KLHL28: variants seen among roughly 807,000 people sequenced by gnomAD.
The protein encoded by KLHL28 is kelch like family member 28.
A neutral mutation model predicts 48.3 loss-of-function variants in KLHL28; 22 were observed. The observed-to-expected ratio is 0.46, with a 90% CI of 0.33 to 0.65. The LOEUF is 0.65. Ranked by LOEUF, KLHL28 falls within the 30% of genes least tolerant of loss-of-function variation. The pLI, the probability that KLHL28 is intolerant of heterozygous loss-of-function variation, is 0.03. For missense variants in KLHL28, 527 were observed against 704.3 expected, an observed-to-expected ratio of 0.75 and a Z score of 2.85; for synonymous variants, 243 against 242.4, an observed-to-expected ratio of 1.00 and a Z score of -0.02.
At chr14:44,949,168 C>A (rs1884470275) in intron 1 of KLHL28, among the ~76,000 whole-genome samples, 1 of 151,928 alleles carries the variant, frequency 6.6e-6, no homozygotes, top group Non-Finnish European at 1.5e-5. Context: ...AGACTATTTT[C>A]AAAAATAAGA....
chr14:44,936,435 T>C (rs1234862695), intron 2 of KLHL28, among the ~76,000 whole-genome samples: 1 of 151,890 alleles, frequency 6.6e-6, no homozygotes, highest in Non-Finnish European at 1.5e-5. Context: ...GGTGGAAGGG[T>C]TGGTCTTAGA....
chr14:44,960,938 T>A (rs1261377932), intron 1 of KLHL28: 44 of 1,523,772 alleles, frequency 2.9e-5, no homozygotes, highest in Non-Finnish European at 3.9e-5. Context: ...TAAATTTGGG[T>A]CTTCAAATGA....
rs1280041538 is a variant in KLHL28, at chr14:44,927,019, A to G, written c.*2009T>C. On this transcript the variant is annotated 3_prime_UTR_variant, in exon 5 of 5. Transcript: ENST00000396128. ...TACAATAGTGCACCTATTTCTATGC[A>G]ATAGATTTATTCAAATCAATGAAAA... 1 of 152,668 alleles carries G rather than the reference A, an allele frequency of 6.6e-6. No individual in the cohort carries two copies. The highest frequency in any genetic ancestry group is 1.9e-4 in the East Asian group (1 of 5,206). 9.5% of individuals were successfully genotyped at this position (152,668 alleles called of 1,614,324 possible).
rs1033468085 is a variant in KLHL28 at position 44,925,822 on chromosome 14, A to G, written c.*3206T>C. 8 of 152,190 alleles carry G rather than the reference A, an allele frequency of 5.3e-5. No individual in the cohort carries two copies. Among genetic ancestry groups the G allele is most frequent in the African/African-American group, 1.2e-4 (5 of 41,460 alleles). 9.4% of individuals were successfully genotyped at this position (152,190 alleles called of 1,614,324 possible). A position where few individuals can be genotyped will look rare whatever the true frequency, so the allele number is the denominator to read the frequency against. ...TATCCTTGGAGCTACATTAAAAGCC[A>G]CTTACATTCTATTACAACATCCAAT... On this transcript the variant is annotated 3_prime_UTR_variant, in exon 5 of 5. Transcript: ENST00000396128.
intron 1 of KLHL28, 71 bp from the exon 2 acceptor site, chr14:44,945,999 G>T: frequency 8.5e-7 from 1 of 1,174,416 alleles, no homozygotes; most frequent in Non-Finnish European, 1.2e-6. Flanking sequence ...TTTTCAAATA[G>T]TACAGAATAA....
At chr14:44,934,598 A>G (rs757912661) in intron 2 of KLHL28, 40 bp from the exon 3 acceptor site, 58 of 1,428,522 alleles carry the variant, frequency 4.1e-5, no homozygotes, top group Non-Finnish European at 5.4e-5. Context: ...TTAAAAACCA[A>G]AGTGGCCCAT....
chr14:44,934,432 A>G lies in KLHL28; in HGVS notation c.1026T>C (p.Asn342=), dbSNP rs1883719774. ...TTCTGATAGTGACGCCAGGACGCAC[A>G]TTAGTTGCAATACCACCTATAACAT... ...KVYVIGGIAT[N]VRPGVTIRKH... The change falls in exon 3 of 5, where the codon AAT becomes AAC. Residue 342 remains asparagine, a synonymous_variant. Coordinates refer to ENST00000396128, the MANE Select transcript of KLHL28 (RefSeq NM_017658.5). 7 of 1,614,056 alleles carry G rather than the reference A, an allele frequency of 4.3e-6. No individual in the cohort carries two copies. Among genetic ancestry groups the G allele is most frequent in the African/African-American group, 1.3e-5 (1 of 74,930 alleles).
At chr14:44,958,414 C>T (rs1327900471) in intron 1 of KLHL28, among the ~76,000 whole-genome samples, 1 of 151,890 alleles carries the variant, frequency 6.6e-6, no homozygotes, top group Non-Finnish European at 1.5e-5. Flanking sequence ...TTCAAACCGA[C>T]AGTTTTCTTT....
At chr14:44,955,678 TG>T (rs552714230) in intron 1 of KLHL28, among the ~76,000 whole-genome samples, 34 of 152,198 alleles carry the variant, frequency 2.2e-4, no homozygotes, top group African/African-American at 7.0e-4. Context: ...CTCAGCTACT[TG>T]GGGGGCTGAG....
intron 1 of KLHL28, among the ~76,000 whole-genome samples, chr14:44,956,585 C>G (rs540290708): frequency 6.6e-6 from 1 of 152,224 alleles, no homozygotes; most frequent in African/African-American, 2.4e-5. Context: ...CAAAAACATA[C>G]CGACTGTGAA....
chr14:44,934,745 T>C, intron 2 of KLHL28, among the ~76,000 whole-genome samples, 187 bp from the exon 3 acceptor site: 1 of 152,152 alleles, frequency 6.6e-6, no homozygotes, highest in East Asian at 1.9e-4. Context: ...TAGCAAGAAA[T>C]GCATACTCCG....
At chr14:44,934,082 A>G (rs1883700227) in intron 3 of KLHL28, 33 bp downstream of exon 3, 1 of 1,492,646 alleles carries the variant, frequency 6.7e-7, no homozygotes, top group Non-Finnish European at 9.1e-7. Flanking sequence ...AAAAATCCAT[A>G]AACATATGCA....
intron 2 of KLHL28, among the ~76,000 whole-genome samples, chr14:44,936,425 G>A (rs1883826670): frequency 6.6e-6 from 1 of 152,166 alleles, no homozygotes; most frequent in African/African-American, 2.4e-5. Context: ...TAAGTAGAGA[G>A]GTGGAAGGGT....
At chr14:44,956,471 A>C (rs1190471972) in intron 1 of KLHL28, among the ~76,000 whole-genome samples, 2 of 152,222 alleles carry the variant, frequency 1.3e-5, no homozygotes, top group Admixed American at 1.3e-4. Flanking sequence ...CACCAAAGTC[A>C]AGCAAATTAA....
At chr14:44,939,375 A>G (rs924725045) in intron 2 of KLHL28, among the ~76,000 whole-genome samples, 7 of 152,202 alleles carry the variant, frequency 4.6e-5, no homozygotes, top group Non-Finnish European at 1.5e-5. Context: ...TCATCTCTTT[A>G]GCACACATCC....
intron 2 of KLHL28, among the ~76,000 whole-genome samples, chr14:44,935,860 ATGTG>A (rs1157562611): frequency 2.8e-5 from 3 of 107,790 alleles, no homozygotes; most frequent in South Asian, 3.5e-4. Context: ...GCATGTATGT[ATGTG>A]TATGTGTATG....
intron 1 of KLHL28, among the ~76,000 whole-genome samples, chr14:44,955,769 G>C (rs10145267): frequency 0.15 from 23,290 of 152,164 alleles, 3,298 homozygotes; most frequent in African/African-American, 0.38. Flanking sequence ...CTGGGAGACA[G>C]AGTGAGGCCC....
intron 1 of KLHL28, among the ~76,000 whole-genome samples, chr14:44,951,993 G>A (rs1884604366): frequency 6.6e-6 from 1 of 151,936 alleles, no homozygotes; most frequent in South Asian, 2.1e-4. Flanking sequence ...CAAGTAGCTG[G>A]GGCTACAGGC....
At chr14:44,941,876 C>T (rs533936678) in intron 2 of KLHL28, among the ~76,000 whole-genome samples, 12 of 152,086 alleles carry the variant, frequency 7.9e-5, no homozygotes, top group Non-Finnish European at 1.8e-4. Flanking sequence ...TTAATGTTTC[C>T]CAGATTTTCA....
Sources: gnomAD v4.1 joint callset for allele counts (sites outside exome capture counted in the v4.1 genomes callset) on GRCh38, gnomAD v4.1.1 for gene constraint, MANE v1.5 for transcripts, NCBI Gene and HGNC (gene_info 2026-07-23, HGNC 2026-07-21) for gene names.